Variants in KCNQ5 observed in about 807,000 individuals in gnomAD.
KCNQ5 encodes potassium voltage-gated channel subfamily Q member 5, also known as potassium voltage-gated channel subfamily KQT member 5.
A neutral mutation model predicts 98.2 loss-of-function variants in KCNQ5; 30 were observed. The observed-to-expected ratio is 0.31, with a 90% confidence interval of 0.23 to 0.41. The LOEUF is 0.41. KCNQ5 is among the 10% of genes least tolerant of loss of function. The pLI, the probability that KCNQ5 is intolerant of heterozygous loss-of-function variation, is 1.00. For missense variants in KCNQ5, 835 were observed against 1,182.5 expected, an observed-to-expected ratio of 0.71 and a Z score of 4.31; for synonymous variants, 458 against 449.4, an observed-to-expected ratio of 1.02 and a Z score of -0.24.
chr6:72,881,529 A>C (rs2150173310), intron 1 of KCNQ5, among the ~76,000 whole-genome samples: 1 of 152,306 alleles, frequency 6.6e-6, no homozygotes, highest in Non-Finnish European at 1.5e-5. Context: ...CAAAGATATT[A>C]TCTATCAACA....
intron 12 of KCNQ5, among the ~76,000 whole-genome samples, chr6:73,191,274 G>A (rs1220343394): frequency 1.3e-5 from 2 of 152,064 alleles, no homozygotes; most frequent in Non-Finnish European, 2.9e-5. Flanking sequence ...TTGAGACTTG[G>A]CCCTTGTGTT....
intron 10 of KCNQ5, among the ~76,000 whole-genome samples, chr6:73,163,244 A>AAAAATG (rs988842431): frequency 1.2e-4 from 18 of 151,442 alleles, no homozygotes; most frequent in South Asian, 2.1e-4. Flanking sequence ...ATTAAAAAAT[A>AAAAATG]AAAACTAGCC....
At chr6:72,918,819 C>T (rs1562067186) in intron 1 of KCNQ5, among the ~76,000 whole-genome samples, 1 of 152,090 alleles carries the variant, frequency 6.6e-6, no homozygotes, top group Non-Finnish European at 1.5e-5. Flanking sequence ...TAAAATCATG[C>T]AAACAAGCTG....
chr6:73,109,392 C>G (rs908981722), intron 6 of KCNQ5, among the ~76,000 whole-genome samples: 2 of 152,012 alleles, frequency 1.3e-5, no homozygotes, highest in African/African-American at 4.8e-5. Context: ...AAATTATGCT[C>G]CATACAAGTG....
intron 1 of KCNQ5, among the ~76,000 whole-genome samples, chr6:72,766,163 T>C (rs1263977452): frequency 6.6e-6 from 1 of 151,972 alleles, no homozygotes; most frequent in Non-Finnish European, 1.5e-5. Flanking sequence ...ATTGCAGTTG[T>C]CTGGGACAAA....
At chr6:73,032,611 T>C (rs6921533) in intron 2 of KCNQ5, among the ~76,000 whole-genome samples, 83,500 of 152,080 alleles carry the variant, frequency 0.55, 26,467 homozygotes, top group Non-Finnish European at 0.71. Context: ...ATTCAGGACA[T>C]TGATCTTCGA....
At chr6:72,642,154 C>G (rs1477199471) in intron 1 of KCNQ5, among the ~76,000 whole-genome samples, 1 of 148,836 alleles carries the variant, frequency 6.7e-6, no homozygotes, top group Non-Finnish European at 1.5e-5. Flanking sequence ...CTTGGCCCTA[C>G]TAGATAAAGA....
intron 9 of KCNQ5, among the ~76,000 whole-genome samples, chr6:73,132,315 A>T (rs1377650228): frequency 2.0e-5 from 3 of 152,130 alleles, no homozygotes; most frequent in African/African-American, 7.2e-5. Flanking sequence ...GGATTTCTTC[A>T]GGCCCTGCAG....
At chr6:72,705,599 TTTG>T (rs1554146892) in intron 1 of KCNQ5, among the ~76,000 whole-genome samples, 3 of 151,230 alleles carry the variant, frequency 2.0e-5, no homozygotes, top group Non-Finnish European at 4.4e-5. Flanking sequence ...TGTTTTTTTT[TTTG>T]TTGTTGTTGT....
At chr6:73,008,701 C>T (rs574912998) in intron 2 of KCNQ5, among the ~76,000 whole-genome samples, 91 of 152,152 alleles carry the variant, frequency 6.0e-4, no homozygotes, top group South Asian at 3.7e-3. Flanking sequence ...ATGGATAGAA[C>T]AACCAAACAG....
chr6:73,093,844 G>A (rs1774357032), intron 5 of KCNQ5, among the ~76,000 whole-genome samples: 1 of 152,064 alleles, frequency 6.6e-6, no homozygotes, highest in Non-Finnish European at 1.5e-5. Context: ...CTACCTTGGA[G>A]AAAGTTCCAT....
chr6:72,690,002 G>A (rs1322588758), intron 1 of KCNQ5, among the ~76,000 whole-genome samples: 1 of 152,050 alleles, frequency 6.6e-6, no homozygotes, highest in African/African-American at 2.4e-5. Context: ...GGCCAGGCGC[G>A]GTTGCTTACG....
intron 1 of KCNQ5, among the ~76,000 whole-genome samples, chr6:72,752,066 A>G (rs1771713403): frequency 6.6e-6 from 1 of 152,126 alleles, no homozygotes; most frequent in South Asian, 2.1e-4. Context: ...GGGGTAAGCT[A>G]TCTCCATAGC....
At chr6:73,032,890 A>C (rs1007267201) in intron 2 of KCNQ5, among the ~76,000 whole-genome samples, 1 of 152,100 alleles carries the variant, frequency 6.6e-6, no homozygotes. Context: ...GCTTGGTCCC[A>C]TGGGCAGACT....
At chr6:73,137,033 C>T (rs1776500432) in intron 10 of KCNQ5, among the ~76,000 whole-genome samples, 1 of 151,828 alleles carries the variant, frequency 6.6e-6, no homozygotes. Flanking sequence ...CTCAGATCAA[C>T]CTTTAAGTTA....
intron 1 of KCNQ5, among the ~76,000 whole-genome samples, chr6:72,724,768 C>T (rs928883276): frequency 3.3e-5 from 5 of 152,142 alleles, no homozygotes; most frequent in Admixed American, 6.5e-5. Flanking sequence ...ATAGACTTGA[C>T]GACCTGTGGT....
intron 1 of KCNQ5, among the ~76,000 whole-genome samples, chr6:72,896,284 C>A (rs2150188228): frequency 6.6e-6 from 1 of 152,070 alleles, no homozygotes; most frequent in East Asian, 1.9e-4. Context: ...AAATGGCAGA[C>A]AAAAAGCAAG....
At chr6:72,801,223 G>A (rs1406091267) in intron 1 of KCNQ5, among the ~76,000 whole-genome samples, 3 of 148,748 alleles carry the variant, frequency 2.0e-5, no homozygotes, top group Non-Finnish European at 4.5e-5. Context: ...GTTGACAGTG[G>A]GGTGTTAAAG....
intron 1 of KCNQ5, among the ~76,000 whole-genome samples, chr6:72,932,985 A>G (rs1297860733): frequency 6.6e-6 from 1 of 152,228 alleles, no homozygotes; most frequent in Non-Finnish European, 1.5e-5. Context: ...TATATCTGCC[A>G]ATTGACTATG....
Sources: allele counts gnomAD v4.1 joint callset (sites outside exome capture counted in the v4.1 genomes callset), GRCh38; gene constraint gnomAD v4.1.1; transcripts MANE v1.5; gene names NCBI Gene and HGNC (gene_info 2026-07-23, HGNC 2026-07-21).